Variants in CSMD3 observed in about 807,000 individuals in gnomAD.
CSMD3 encodes the protein CUB and sushi domain-containing protein 3.
Under a neutral mutation model 435.2 loss-of-function variants are expected in CSMD3, and 177 were observed. The ratio of observed to expected loss-of-function variants is 0.41; its 90% CI spans 0.36 to 0.46. The LOEUF (loss-of-function observed/expected upper bound fraction) is 0.46. CSMD3 is among the 20% of genes least tolerant of loss of function. The probability of loss-of-function intolerance (pLI) is 0.34; values close to 1 mark genes in which losing one functional copy is unlikely to be tolerated. For synonymous variants in CSMD3, 1,656 were observed against 1,520.5 expected, an observed-to-expected ratio of 1.09 and a Z score of -2.07; for missense variants, 4,265 against 4,504.6, an observed-to-expected ratio of 0.95 and a Z score of 1.52.
intron 24 of CSMD3, among the ~76,000 whole-genome samples, chr8:112,564,013 A>G (rs1828860145): frequency 6.6e-6 from 1 of 152,086 alleles, no homozygotes; most frequent in African/African-American, 2.4e-5. Context: ...TGAAAACCTA[A>G]TCACCACACT....
At chr8:112,711,996 CTT>C (rs1172524674) in intron 13 of CSMD3, among the ~76,000 whole-genome samples, 1 of 152,108 alleles carries the variant, frequency 6.6e-6, no homozygotes, top group Non-Finnish European at 1.5e-5. Flanking sequence ...GGTATGTGGA[CTT>C]TTGTTGGCTT....
rs146699633 is a variant in CSMD3, at chr8:113,254,112, C to A, written c.514+24480G>T. 3.0e-3 allele frequency among the ~76,000 whole-genome samples: 463 copies of A among 152,250 alleles called. 2 individuals carry two copies. Among genetic ancestry groups the A allele is most frequent in the African/African-American group, 9.4e-3 (391 of 41,556 alleles). ...ATATTTTTAGTATCCTCCGTCTGAT[C>A]TGAGTGTCTATAATTTTCTCAATGT... On this transcript the variant is annotated intron_variant, in intron 3 of 70. Coordinates refer to ENST00000297405, the MANE Select transcript of CSMD3 (RefSeq NM_198123.2).
intron 63 of CSMD3, among the ~76,000 whole-genome samples, chr8:112,253,061 A>T (rs1815431004): frequency 1.3e-5 from 2 of 151,918 alleles, no homozygotes; most frequent in Non-Finnish European, 2.9e-5. Context: ...TTTACTAAAA[A>T]AACTCATATT....
intron 22 of CSMD3, among the ~76,000 whole-genome samples, chr8:112,612,654 T>A (rs1833349057): frequency 6.6e-6 from 1 of 151,444 alleles, no homozygotes; most frequent in African/African-American, 2.4e-5. Context: ...ATCCTGCATG[T>A]ATATTTTTAG....
chr8:112,864,010 T>C (rs541567028), intron 10 of CSMD3, among the ~76,000 whole-genome samples: 3 of 152,210 alleles, frequency 2.0e-5, no homozygotes, highest in Admixed American at 6.5e-5. Flanking sequence ...CAATATTGTC[T>C]TAGAGGTTCC....
intron 68 of CSMD3, among the ~76,000 whole-genome samples, chr8:112,233,415 A>C (rs1813276504): frequency 1.3e-5 from 2 of 152,228 alleles, no homozygotes; most frequent in Non-Finnish European, 2.9e-5. Context: ...ATTTTAATGA[A>C]TCAATTCACT....
chr8:113,278,040 G>C (rs528039181), intron 3 of CSMD3, among the ~76,000 whole-genome samples: 34 of 152,004 alleles, frequency 2.2e-4, no homozygotes, highest in African/African-American at 8.2e-4. Context: ...TTTGGCATCA[G>C]GTTTTGATGC....
At chr8:113,436,287 C>A (rs904011915) in intron 1 of CSMD3, among the ~76,000 whole-genome samples, 1 of 152,168 alleles carries the variant, frequency 6.6e-6, no homozygotes, top group African/African-American at 2.4e-5. Context: ...TTTAGACCAG[C>A]GTCTTTAATA....
chr8:113,319,728 T>A (rs1213097571), intron 1 of CSMD3, among the ~76,000 whole-genome samples: 1 of 152,116 alleles, frequency 6.6e-6, no homozygotes, highest in Non-Finnish European at 1.5e-5. Context: ...AAGTAGTTAC[T>A]CTTGTAATTG....
At chr8:112,266,616 A>G (rs920536124) in intron 59 of CSMD3, among the ~76,000 whole-genome samples, 1 of 152,230 alleles carries the variant, frequency 6.6e-6, no homozygotes, top group Non-Finnish European at 1.5e-5. Flanking sequence ...CACTGATCTC[A>G]TGCCCATGAG....
At chr8:113,296,605 T>A (rs2093724071) in intron 2 of CSMD3, among the ~76,000 whole-genome samples, 1 of 152,026 alleles carries the variant, frequency 6.6e-6, no homozygotes, top group Non-Finnish European at 1.5e-5. Context: ...TGAAAGTAAA[T>A]GTGTGACCAG....
rs575287678 is a variant in CSMD3, at chr8:113,227,145, CA to C, written c.514+51446del. 3.2e-4 allele frequency among the ~76,000 whole-genome samples: 48 copies of C among 151,130 alleles called. 1 individual carries two copies. The highest frequency in any genetic ancestry group is 2.9e-3 in the Admixed American group (44 of 15,108). On this transcript the variant is annotated intron_variant, in intron 3 of 70. Coordinates refer to ENST00000297405, the MANE Select transcript of CSMD3 (RefSeq NM_198123.2). Reference sequence around the variant, plus strand: ...TACATCATTATTTTTATTCATTTATCAAAAAATGGAAAAAAGGAGAAAATGA... The same window carrying C: ...TACATCATTATTTTTATTCATTTATCAAAAATGGAAAAAAGGAGAAAATGA...
chr8:113,085,007 T>C (rs1243515866), intron 5 of CSMD3, among the ~76,000 whole-genome samples: 1 of 151,960 alleles, frequency 6.6e-6, no homozygotes, highest in Non-Finnish European at 1.5e-5. Context: ...CCAGAAACTA[T>C]AAAACTACTA....
At chr8:112,681,582 T>C (rs1157849276) in intron 16 of CSMD3, among the ~76,000 whole-genome samples, 1 of 151,994 alleles carries the variant, frequency 6.6e-6, no homozygotes, top group South Asian at 2.1e-4. Flanking sequence ...TATACAAAAA[T>C]AGGCCAAGAG....
chr8:113,120,540 C>T (rs774123731), intron 4 of CSMD3, among the ~76,000 whole-genome samples: 14 of 152,068 alleles, frequency 9.2e-5, no homozygotes, highest in Non-Finnish European at 1.8e-4. Flanking sequence ...AAGTAAGCAG[C>T]GTTTTATGTA....
At chr8:112,537,200 A>G (rs1022558143) in intron 27 of CSMD3, among the ~76,000 whole-genome samples, 1 of 151,896 alleles carries the variant, frequency 6.6e-6, no homozygotes, top group Non-Finnish European at 1.5e-5. Context: ...GATTTCTTGA[A>G]AAAAGGAAAT....
chr8:112,872,893 A>G (rs1564051182), intron 10 of CSMD3, among the ~76,000 whole-genome samples: 1 of 152,006 alleles, frequency 6.6e-6, no homozygotes, highest in East Asian at 1.9e-4. Context: ...CCAGGAGGGA[A>G]GGAGTGTGGA....
intron 5 of CSMD3, among the ~76,000 whole-genome samples, chr8:113,033,303 C>T (rs1003862531): frequency 6.6e-5 from 10 of 151,596 alleles, no homozygotes; most frequent in East Asian, 3.9e-4. Flanking sequence ...TGAAAGCAGC[C>T]GCAGGGGCTG....
At chr8:112,324,065 A>G (rs997592408) in intron 45 of CSMD3, among the ~76,000 whole-genome samples, 2 of 151,942 alleles carry the variant, frequency 1.3e-5, no homozygotes, top group Non-Finnish European at 2.9e-5. Flanking sequence ...CCATTTCCCT[A>G]TTTTCAATTT....
Sources: allele counts gnomAD v4.1 joint callset (sites outside exome capture counted in the v4.1 genomes callset), GRCh38; gene constraint gnomAD v4.1.1; transcripts MANE v1.5; gene names NCBI Gene and HGNC (gene_info 2026-07-23, HGNC 2026-07-21).